CCDC7: variants seen among roughly 807,000 people sequenced by gnomAD.
The protein encoded by CCDC7 is coiled-coil domain-containing protein 7.
Under a neutral mutation model 196.9 loss-of-function variants are expected in CCDC7, and 183 were observed. That is an observed-to-expected ratio of 0.93 (90% confidence interval 0.82 to 1.05). CCDC7 has a LOEUF of 1.05. Among genes scored for constraint, CCDC7 ranks in the 50% least tolerant of loss-of-function variants. The pLI, the probability that CCDC7 is intolerant of heterozygous loss-of-function variation, is 0.00. For synonymous variants in CCDC7, 525 were observed against 484.6 expected, an observed-to-expected ratio of 1.08 and a Z score of -1.10; for missense variants, 1,540 against 1,482.2, an observed-to-expected ratio of 1.04 and a Z score of -0.64.
intron 20 of CCDC7, among the ~76,000 whole-genome samples, chr10:32,653,533 T>G (rs2069172581): frequency 6.6e-6 from 1 of 152,212 alleles, no homozygotes; most frequent in Admixed American, 6.5e-5. Context: ...ACCTGATTCC[T>G]TTAGTTCTTG....
chr10:32,447,747 C>A (rs899354925), upstream of CCDC7, among the ~76,000 whole-genome samples: 15 of 151,964 alleles, frequency 9.9e-5, no homozygotes, highest in African/African-American at 3.6e-4. Flanking sequence ...ATTAAAAATA[C>A]AAAAATTAGC....
At position 32,584,282 on chromosome 10, in the gene CCDC7, C is replaced by A. The variant is rs139762456; in HGVS notation, c.1779C>A (p.Tyr593Ter). 1.3e-6 allele frequency: 2 copies of A among 1,597,684 alleles called. No homozygotes were observed. The highest frequency in any genetic ancestry group is 2.7e-5 in the African/African-American group (2 of 74,704). ...AAAAGATGACTGAAGAACAAACTTA[C>A]CAAGCAGCAGAAAAATCTCAAGGTA... The change falls in exon 18 of 42, where the codon TAC (tyrosine) becomes TAA (stop). Residue 593 changes from tyrosine (Y) to a stop codon, truncating the protein, a stop_gained. Coordinates refer to ENST00000639629, the Ensembl canonical transcript of CCDC7. LOFTEE classifies it high-confidence loss of function.
At chr10:32,845,790 C>CACACAG in intron 35 of CCDC7, 86 bp from the exon 37 acceptor site, 2 of 1,063,510 alleles carry the variant, frequency 1.9e-6, no homozygotes, top group Admixed American at 1.9e-5. Flanking sequence ...CACACACACA[C>CACACAG]ACACATACAC....
chr10:32,600,684 A>T (rs9783132), intron 18 of CCDC7, among the ~76,000 whole-genome samples: 2 of 152,278 alleles, frequency 1.3e-5, no homozygotes, highest in African/African-American at 2.4e-5. Flanking sequence ...TATATATTGC[A>T]TACCCAATAA....
chr10:32,765,171 C>T (rs1394392153), intron 28 of CCDC7, among the ~76,000 whole-genome samples: 1 of 151,978 alleles, frequency 6.6e-6, no homozygotes, highest in Non-Finnish European at 1.5e-5. Flanking sequence ...TAGTATACTG[C>T]CCAAAATTTA....
At chr10:32,879,295 G>A (rs1486579874), downstream of CCDC7, among the ~76,000 whole-genome samples, 1 of 152,104 alleles carries the variant, frequency 6.6e-6, no homozygotes, top group African/African-American at 2.4e-5. Context: ...CGTTAAAGAG[G>A]TGTTCAGAAA....
intron 13 of CCDC7, among the ~76,000 whole-genome samples, chr10:32,550,711 G>A (rs1024219120): frequency 1.3e-5 from 2 of 151,788 alleles, no homozygotes; most frequent in African/African-American, 4.8e-5. Flanking sequence ...TATTGACTTG[G>A]GTATATTAAA....
intron 18 of CCDC7, among the ~76,000 whole-genome samples, chr10:32,592,630 A>G (rs2059888635): frequency 6.6e-6 from 1 of 152,092 alleles, no homozygotes; most frequent in Non-Finnish European, 1.5e-5. Flanking sequence ...TACATGTGCC[A>G]TATTGGTGTG....
At position 32,753,880 on chromosome 10, in the gene CCDC7, T is replaced by A. The variant is rs565013853; in HGVS notation, c.2905+24423T>A. Among the ~76,000 whole-genome samples, 8 of 152,286 alleles carry A rather than the reference T, an allele frequency of 5.3e-5. No homozygotes were observed. The South Asian group carries it at 1.4e-3, about 28-fold the overall frequency. ...GTTTTCTTAATTGTTTATTTTTTCA[T>A]AAATTTCGTTTTTTGTGAGTAGATA... On this transcript the variant is annotated intron_variant, in intron 28 of 41. Transcript: ENST00000639629.
At chr10:32,713,430 T>A (rs1369689036) in intron 25 of CCDC7, among the ~76,000 whole-genome samples, 1 of 152,210 alleles carries the variant, frequency 6.6e-6, no homozygotes, top group Non-Finnish European at 1.5e-5. Context: ...TACTAACCCC[T>A]AGTCATGCTT....
intron 13 of CCDC7, among the ~76,000 whole-genome samples, chr10:32,561,922 AAAG>A (rs1307615151): frequency 6.6e-6 from 1 of 152,198 alleles, no homozygotes; most frequent in African/African-American, 2.4e-5. Flanking sequence ...ATAAAGAAGA[AAAG>A]AGAGAAGAAT....
rs190483030 is a variant in CCDC7 at position 32,610,835 on chromosome 10, T to G, written c.1802-23419T>G. ...TCCAGTCTATCATTGATGGGCATTT[T>G]GGTTGGTTCCAAGTCTTTGCTATTG... On this transcript the variant is annotated intron_variant, in intron 18 of 41. Coordinates refer to ENST00000639629, the Ensembl canonical transcript of CCDC7. 3.4e-4 allele frequency among the ~76,000 whole-genome samples: 52 copies of G among 152,296 alleles called. 1 individual carries two copies. The highest frequency in any genetic ancestry group is 3.2e-3 in the Admixed American group (49 of 15,296).
rs544563106 is a variant in CCDC7, at chr10:32,802,216, G to C, written c.3014-2799G>C. 5.9e-5 allele frequency among the ~76,000 whole-genome samples: 9 copies of C among 152,248 alleles called. No individual in the cohort carries two copies. The East Asian group carries it at 1.5e-3, about 26-fold the overall frequency. On this transcript the variant is annotated intron_variant, in intron 29 of 41. Transcript: ENST00000639629. ...TCATTTTCTTTTATCACATTGTCTA[G>C]TGAACTTAGGAGCAACCAACCAACT... is the stretch of plus-strand genomic sequence containing the variant.
At chr10:32,816,946 A>G (rs1204558735) in intron 31 of CCDC7, among the ~76,000 whole-genome samples, 3 of 152,238 alleles carry the variant, frequency 2.0e-5, no homozygotes, top group Non-Finnish European at 4.4e-5. Context: ...CCTCCAAAGG[A>G]AAGCAGCTCC....
At chr10:32,499,027 C>T (rs1215894111) in intron 9 of CCDC7, 1 of 150,126 alleles carries the variant, frequency 6.7e-6, no homozygotes, top group Non-Finnish European at 1.5e-5. Flanking sequence ...GTACATGAAT[C>T]AAATGTAGAT....
chr10:32,486,823 A>G lies in CCDC7; in HGVS notation c.797-5099A>G, dbSNP rs572428173. 6.0e-5 allele frequency among the ~76,000 whole-genome samples: 9 copies of G among 151,236 alleles called. No individual in the cohort carries two copies. In the East Asian group the frequency reaches 1.8e-3, roughly 29 times the overall value. On this transcript the variant is annotated intron_variant, in intron 8 of 41. Coordinates refer to ENST00000639629, the Ensembl canonical transcript of CCDC7. ...TTAAGAATGTTGAATATTGGCCCCC[A>G]CTCTCTTCTGGCTTGTAGAGTTTCT...
chr10:32,612,574 T>C (rs1054889506), intron 18 of CCDC7, among the ~76,000 whole-genome samples: 3 of 152,208 alleles, frequency 2.0e-5, no homozygotes, highest in African/African-American at 7.2e-5. Flanking sequence ...ATAGCTCTTA[T>C]TATTTTAAGA....
At chr10:32,593,607 A>G (rs932181302) in intron 18 of CCDC7, among the ~76,000 whole-genome samples, 25 of 152,148 alleles carry the variant, frequency 1.6e-4, no homozygotes, top group African/African-American at 6.0e-4. Flanking sequence ...GGTGTTTTAC[A>G]CATGAAGTCC....
At chr10:32,786,771 C>CA (rs2081958183) in intron 29 of CCDC7, among the ~76,000 whole-genome samples, 1 of 151,338 alleles carries the variant, frequency 6.6e-6, no homozygotes, top group Admixed American at 6.6e-5. Flanking sequence ...AACAAACAAA[C>CA]AAAAAAAGAA....
Sources: gnomAD v4.1 joint callset for allele counts (sites outside exome capture counted in the v4.1 genomes callset) on GRCh38, gnomAD v4.1.1 for gene constraint, MANE v1.5 for transcripts, NCBI Gene and HGNC (gene_info 2026-07-23, HGNC 2026-07-21) for gene names.